Variants in RILPL1 observed in about 807,000 individuals in gnomAD.
RILPL1 encodes the protein RILP-like protein 1.
In RILPL1, 33 loss-of-function variants were observed where a neutral mutation model predicts 50.3. The observed-to-expected ratio is 0.66, with a 90% CI of 0.50 to 0.88. The LOEUF (loss-of-function observed/expected upper bound fraction) is 0.88, where lower values mean the gene tolerates loss of function less well. Among genes scored for constraint, RILPL1 ranks in the 40% least tolerant of loss-of-function variants. The pLI, the probability that RILPL1 is intolerant of heterozygous loss-of-function variation, is 0.00. For missense variants in RILPL1, 418 were observed against 542.5 expected (o/e 0.77, Z 2.28); for synonymous variants, 205 against 228.6 (o/e 0.90, Z 0.93).
In RILPL1 at chr12:123,472,793, A is replaced by G. The variant is rs1298013637; in HGVS notation, c.1068-111T>C. 10 of 1,197,106 alleles carry G rather than the reference A, an allele frequency of 8.4e-6. No homozygotes were observed. In the Admixed American group the frequency reaches 1.4e-4, roughly 17 times the overall value. The allele number at this position is 1,197,106 out of a possible 1,614,324, so 74.2% of individuals were successfully genotyped here. On this transcript the variant is annotated intron_variant, in intron 6 of 6. Coordinates refer to ENST00000376874, the MANE Select transcript of RILPL1 (RefSeq NM_178314.5). ...AGCAAACTTAGAAGGGAGCAAATCA[A>G]TTCAAGGTGTGAAAGACAAAGTTGG... is the stretch of plus-strand genomic sequence containing the variant.
intron 6 of RILPL1, among the ~76,000 whole-genome samples, chr12:123,479,680 C>A (rs917503009): frequency 6.6e-6 from 1 of 152,198 alleles, no homozygotes; most frequent in Non-Finnish European, 1.5e-5. Flanking sequence ...TCCCAGTTAT[C>A]CCCCAGCAAG....
chr12:123,519,027 A>G (rs1272314932), intron 2 of RILPL1, among the ~76,000 whole-genome samples: 1 of 138,592 alleles, frequency 7.2e-6, no homozygotes, highest in East Asian at 2.3e-4. Flanking sequence ...ACTGCACTCC[A>G]GCCTAGGCGA....
At chr12:123,527,858 A>G (rs900267074) in intron 1 of RILPL1, among the ~76,000 whole-genome samples, 1 of 152,196 alleles carries the variant, frequency 6.6e-6, no homozygotes, top group Non-Finnish European at 1.5e-5. Flanking sequence ...TGCAGAGTCC[A>G]TAAGTTGGGG....
intron 2 of RILPL1, among the ~76,000 whole-genome samples, chr12:123,521,622 TATATATAC>T (rs1885036508): frequency 1.4e-4 from 1 of 6,982 alleles, no homozygotes; most frequent in Non-Finnish European, 5.0e-4. Context: ...CATATGTGTA[TATATATAC>T]ACACATATGT....
intron 2 of RILPL1, among the ~76,000 whole-genome samples, chr12:123,518,941 A>C (rs965551113): frequency 3.3e-5 from 5 of 150,744 alleles, no homozygotes; most frequent in Non-Finnish European, 7.4e-5. Context: ...CCTGTGGTCC[A>C]GGCTACTCGG....
chr12:123,512,738 GAA>G (rs1274043984), intron 2 of RILPL1, among the ~76,000 whole-genome samples: 4 of 143,836 alleles, frequency 2.8e-5, no homozygotes, highest in Non-Finnish European at 4.6e-5. Context: ...TGTGGTGTGT[GAA>G]GTTTGTGTGT....
intron 1 of RILPL1, among the ~76,000 whole-genome samples, chr12:123,532,296 C>T (rs1885462480): frequency 6.6e-6 from 1 of 152,214 alleles, no homozygotes; most frequent in Non-Finnish European, 1.5e-5. Context: ...TCTTTCACTT[C>T]CTTTTCTCCA....
At chr12:123,512,061 G>GTGGT (rs1884323338) in intron 2 of RILPL1, among the ~76,000 whole-genome samples, 1 of 123,160 alleles carries the variant, frequency 8.1e-6, no homozygotes, top group Non-Finnish European at 1.7e-5. Context: ...GTCTGTGTGT[G>GTGGT]GTGTGTGAGG....
intron 6 of RILPL1, among the ~76,000 whole-genome samples, chr12:123,481,125 G>A (rs533935941): frequency 6.6e-6 from 1 of 152,244 alleles, no homozygotes; most frequent in African/African-American, 2.4e-5. Flanking sequence ...GGGAGGCCGA[G>A]GCGGGTGGAT....
intron 2 of RILPL1, among the ~76,000 whole-genome samples, chr12:123,507,938 T>C (rs1291854796): frequency 2.6e-5 from 2 of 75,792 alleles, no homozygotes; most frequent in Non-Finnish European, 4.6e-5. Flanking sequence ...TGAAACTCCA[T>C]CTCAAAAAAA....
At chr12:123,518,031 T>C (rs533166162) in intron 2 of RILPL1, among the ~76,000 whole-genome samples, 2 of 152,258 alleles carry the variant, frequency 1.3e-5, no homozygotes, top group African/African-American at 4.8e-5. Context: ...GTTAAATCCA[T>C]AGAGACAGTA....
At chr12:123,502,336 T>G (rs1243521660) in intron 2 of RILPL1, among the ~76,000 whole-genome samples, 1 of 152,238 alleles carries the variant, frequency 6.6e-6, no homozygotes, top group African/African-American at 2.4e-5. Context: ...AGAAGTCTTT[T>G]TGTGTAAGGT....
At chr12:123,527,328 C>T (rs1221422120) in intron 1 of RILPL1, among the ~76,000 whole-genome samples, 1 of 146,618 alleles carries the variant, frequency 6.8e-6, no homozygotes, top group East Asian at 2.0e-4. Context: ...AAGACCCCAA[C>T]TTTTTTTTTT....
intron 2 of RILPL1, among the ~76,000 whole-genome samples, chr12:123,521,650 T>C (rs183693414): frequency 1.5e-3 from 37 of 24,260 alleles, no homozygotes; most frequent in African/African-American, 2.6e-3. Flanking sequence ...TGTATATATA[T>C]ACACATATAT....
At chr12:123,526,051 A>G (rs1007647548) in intron 1 of RILPL1, among the ~76,000 whole-genome samples, 2 of 152,190 alleles carry the variant, frequency 1.3e-5, no homozygotes. Flanking sequence ...CACACCTGTA[A>G]TCCTGGCACC....
At chr12:123,477,930 A>G (rs528812908) in intron 6 of RILPL1, among the ~76,000 whole-genome samples, 2 of 148,808 alleles carry the variant, frequency 1.3e-5, no homozygotes, top group East Asian at 2.0e-4. Context: ...GGGGTGACCA[A>G]TGCTCGGGGG....
chr12:123,475,590 G>T, intron 6 of RILPL1: 2 of 971,906 alleles, frequency 2.1e-6, no homozygotes, highest in Non-Finnish European at 3.2e-6. Context: ...AGACAGGTCA[G>T]CCCCAGCAGT....
chr12:123,476,407 C>G (rs1423369013), intron 6 of RILPL1, among the ~76,000 whole-genome samples: 1 of 148,744 alleles, frequency 6.7e-6, no homozygotes, highest in Admixed American at 6.8e-5. Flanking sequence ...CGCCATTGCA[C>G]TCCAGCCTGG....
chr12:123,482,120 C>T (rs1406820899), intron 6 of RILPL1, among the ~76,000 whole-genome samples: 1 of 152,074 alleles, frequency 6.6e-6, no homozygotes, highest in East Asian at 1.9e-4. Context: ...GATCCACCCA[C>T]CTAGACCTCC....
Sources: allele counts gnomAD v4.1 joint callset (sites outside exome capture counted in the v4.1 genomes callset), GRCh38; gene constraint gnomAD v4.1.1; transcripts MANE v1.5; gene names NCBI Gene and HGNC (gene_info 2026-07-23, HGNC 2026-07-21).